GALNT13: variants seen among roughly 807,000 people sequenced by gnomAD.
The protein encoded by GALNT13 is polypeptide N-acetylgalactosaminyltransferase 13.
GALNT13 carries 28 observed loss-of-function variants against 64.2 expected under a neutral mutation model. The ratio of observed to expected loss-of-function variants is 0.44; its 90% CI spans 0.32 to 0.60. The LOEUF (loss-of-function observed/expected upper bound fraction) is 0.60. Ranked by LOEUF, GALNT13 falls within the 20% of genes least tolerant of loss-of-function variation. The pLI is 0.05. For synonymous variants in GALNT13, 214 were observed against 224.6 expected (o/e 0.95, Z 0.42); for missense variants, 577 against 669.8 (o/e 0.86, Z 1.53).
chr2:154,295,162 TGTCA>T (rs969267681), intron 8 of GALNT13, among the ~76,000 whole-genome samples: 3 of 152,156 alleles, frequency 2.0e-5, no homozygotes, highest in Non-Finnish European at 4.4e-5. Flanking sequence ...TGAGGACAAC[TGTCA>T]GTCAGTAGTT....
At chr2:153,863,353 A>T in the GALNT13 span, among the ~76,000 whole-genome samples, 6 of 152,086 alleles carry the variant, frequency 3.9e-5, no homozygotes, top group Non-Finnish European at 8.8e-5. Flanking sequence ...CTAACTCTAT[A>T]AGTCATCAAT....
the GALNT13 span, among the ~76,000 whole-genome samples, chr2:153,325,444 A>G: frequency 6.6e-6 from 1 of 151,882 alleles, no homozygotes; most frequent in African/African-American, 2.4e-5. Flanking sequence ...TTTCAAAAAA[A>G]CAGCTCCTGG....
chr2:154,219,828 T>C (rs938362271), intron 4 of GALNT13, among the ~76,000 whole-genome samples: 1 of 152,070 alleles, frequency 6.6e-6, no homozygotes, highest in African/African-American at 2.4e-5. Context: ...GCAGACATTA[T>C]GATTTGCAGA....
At chr2:154,129,976 A>G (rs1682518866) in intron 3 of GALNT13, among the ~76,000 whole-genome samples, 1 of 151,928 alleles carries the variant, frequency 6.6e-6, no homozygotes, top group African/African-American at 2.4e-5. Context: ...GCTCAGTCAA[A>G]TTTCCCCTCT....
At chr2:153,906,571 G>A (rs1287707681) in intron 2 of GALNT13, among the ~76,000 whole-genome samples, 3 of 151,784 alleles carry the variant, frequency 2.0e-5, no homozygotes, top group East Asian at 1.9e-4. Context: ...CAAAGGACAC[G>A]AACTCATCAT....
the GALNT13 span, among the ~76,000 whole-genome samples, chr2:153,271,514 CA>C: frequency 6.6e-6 from 1 of 152,132 alleles, no homozygotes; most frequent in African/African-American, 2.4e-5. Flanking sequence ...CTCACATTCA[CA>C]ATTGCTACAA....
At chr2:153,643,275 G>A in the GALNT13 span, among the ~76,000 whole-genome samples, 2 of 151,040 alleles carry the variant, frequency 1.3e-5, no homozygotes, top group African/African-American at 2.4e-5. Flanking sequence ...TACAAAAGAT[G>A]GAAAAAGCAA....
At chr2:153,084,462 T>C in the GALNT13 span, among the ~76,000 whole-genome samples, 1 of 152,182 alleles carries the variant, frequency 6.6e-6, no homozygotes, top group Non-Finnish European at 1.5e-5. Context: ...CCTCTTTGGT[T>C]AGGTATAGTC....
At chr2:153,749,821 A>C in the GALNT13 span, among the ~76,000 whole-genome samples, 1 of 151,654 alleles carries the variant, frequency 6.6e-6, no homozygotes, top group Non-Finnish European at 1.5e-5. Context: ...GATGCCCTTT[A>C]TTTCTTTTAT....
chr2:154,180,235 A>G (rs1027264987), intron 4 of GALNT13, among the ~76,000 whole-genome samples: 3 of 152,146 alleles, frequency 2.0e-5, no homozygotes, highest in African/African-American at 7.2e-5. Flanking sequence ...ATGCCATTTC[A>G]AAATATAAAT....
the GALNT13 span, among the ~76,000 whole-genome samples, chr2:153,082,552 T>C: frequency 7.9e-6 from 1 of 126,810 alleles, no homozygotes; most frequent in East Asian, 2.5e-4. Flanking sequence ...CACTGGTTGA[T>C]TGATGGGCAT....
the GALNT13 span, among the ~76,000 whole-genome samples, chr2:153,630,173 A>ATGC: frequency 6.6e-6 from 1 of 151,940 alleles, no homozygotes; most frequent in African/African-American, 2.4e-5. Context: ...ATTATAAGTC[A>ATGC]TGCTGCTATA....
chr2:154,055,366 T>C (rs1225322796), intron 3 of GALNT13, among the ~76,000 whole-genome samples: 1 of 152,110 alleles, frequency 6.6e-6, no homozygotes, highest in African/African-American at 2.4e-5. Context: ...GGAAATGCAA[T>C]GTCTTCTTAG....
the GALNT13 span, chr2:153,593,154 G>C: frequency 6.6e-6 from 1 of 152,472 alleles, no homozygotes; most frequent in Admixed American, 6.5e-5. Context: ...TTCTTTTGCA[G>C]CTGGGAGGTG....
At chr2:153,656,346 G>A in the GALNT13 span, among the ~76,000 whole-genome samples, 26,690 of 151,560 alleles carry the variant, frequency 0.18, 2,863 homozygotes, top group Non-Finnish European at 0.24. Flanking sequence ...GTGTGCGCGC[G>A]CACATATGTG....
chr2:153,780,824 C>T, the GALNT13 span, among the ~76,000 whole-genome samples: 1 of 152,094 alleles, frequency 6.6e-6, no homozygotes, highest in East Asian at 1.9e-4. Context: ...TTATTATGTG[C>T]CTAGCACTGA....
the GALNT13 span, among the ~76,000 whole-genome samples, chr2:153,390,297 A>G: frequency 2.0e-5 from 3 of 151,916 alleles, no homozygotes; most frequent in African/African-American, 7.3e-5. Context: ...AACATCACAC[A>G]CCAGGGCCTG....
At chr2:153,289,595 T>C in the GALNT13 span, among the ~76,000 whole-genome samples, 3 of 152,224 alleles carry the variant, frequency 2.0e-5, no homozygotes, top group Non-Finnish European at 4.4e-5. Flanking sequence ...TCTCATCTTA[T>C]GGGAATCACT....
chr2:153,540,559 C>T, the GALNT13 span, among the ~76,000 whole-genome samples: 1 of 152,196 alleles, frequency 6.6e-6, no homozygotes, highest in Middle Eastern at 3.2e-3. Flanking sequence ...ACAGCTTGCA[C>T]TATGTACCTG....
Sources: allele counts gnomAD v4.1 joint callset (sites outside exome capture counted in the v4.1 genomes callset), GRCh38; gene constraint gnomAD v4.1.1; transcripts MANE v1.5; gene names NCBI Gene and HGNC (gene_info 2026-07-23, HGNC 2026-07-21).